The following ATG7 variants were observed in gnomAD, a reference collection of about 807,000 sequenced individuals.
ATG7 encodes autophagy related 7.
In ATG7, 70 loss-of-function variants were observed where a neutral mutation model predicts 82.4. That is an observed-to-expected ratio of 0.85 (90% CI 0.70 to 1.04). The LOEUF (loss-of-function observed/expected upper bound fraction) is 1.04. Among genes scored for constraint, ATG7 ranks in the 50% least tolerant of loss-of-function variants. The pLI is 0.00. For synonymous variants in ATG7, 287 were observed against 313.0 expected, an observed-to-expected ratio of 0.92 and a Z score of 0.88; for missense variants, 792 against 864.3, an observed-to-expected ratio of 0.92 and a Z score of 1.05.
intron 20 of ATG7, among the ~76,000 whole-genome samples, chr3:11,457,179 G>T (rs1256205899): frequency 6.6e-6 from 1 of 152,176 alleles, no homozygotes; most frequent in Non-Finnish European, 1.5e-5. Flanking sequence ...AAGATGCCAG[G>T]TTTATAAAAT....
intron 20 of ATG7, among the ~76,000 whole-genome samples, chr3:11,428,852 CAG>C (rs1189257607): frequency 2.0e-5 from 3 of 152,176 alleles, no homozygotes; most frequent in African/African-American, 7.2e-5. Context: ...CTCTTTAAAA[CAG>C]AGCAGTTGCT....
intron 20 of ATG7, among the ~76,000 whole-genome samples, chr3:11,462,474 G>T (rs575592182): frequency 3.0e-4 from 45 of 152,250 alleles, no homozygotes; most frequent in African/African-American, 1.1e-3. Flanking sequence ...CATGATGGGG[G>T]TTTCCTTGGA....
chr3:11,395,970 G>GCT lies in ATG7; in HGVS notation c.1956+15918_1956+15919insCT, dbSNP rs1375267350. Among the ~76,000 whole-genome samples the GCT allele has an allele frequency of 2.6e-5, 3 of 115,362 alleles. 1 individual carries two copies. The highest frequency in any genetic ancestry group is 5.3e-5 in the Non-Finnish European group (3 of 56,130). The allele number at this position is 115,362 out of a possible 152,430, so 75.7% of individuals were successfully genotyped here. A position where few individuals can be genotyped will look rare whatever the true frequency, so the allele number is the denominator to read the frequency against. The stretch of plus-strand genomic sequence containing the variant: ...AAAAAAAAAAAAAAAAAAAAAGGTA[G>GCT]GGGGGGAAGAGTAAAAGTGAAGGTA... On this transcript the variant is annotated intron_variant, in intron 19 of 20. Transcript: ENST00000693202.
intron 19 of ATG7, among the ~76,000 whole-genome samples, chr3:11,396,738 C>T (rs1264453783): frequency 1.1e-4 from 16 of 148,808 alleles, no homozygotes; most frequent in African/African-American, 2.7e-4. Flanking sequence ...GCCGAGATGG[C>T]GCCACCGCAC....
intron 16 of ATG7, 79 bp from the exon 17 acceptor site, chr3:11,362,734 C>A: frequency 8.5e-7 from 1 of 1,172,840 alleles, no homozygotes; most frequent in Non-Finnish European, 1.2e-6. Flanking sequence ...AGCTTTGTCA[C>A]AGAGGATTTC....
At chr3:11,392,547 G>A (rs1372292022) in intron 19 of ATG7, among the ~76,000 whole-genome samples, 1 of 151,900 alleles carries the variant, frequency 6.6e-6, no homozygotes, top group Non-Finnish European at 1.5e-5. Flanking sequence ...CAGAACGATG[G>A]TATTTTTGGC....
intron 19 of ATG7, among the ~76,000 whole-genome samples, chr3:11,381,800 G>A (rs2077922011): frequency 6.6e-6 from 1 of 152,132 alleles, no homozygotes; most frequent in Admixed American, 6.5e-5. Context: ...CTTTTGTCCT[G>A]GAAAGGTTGC....
chr3:11,308,007 A>C (rs1004364616), intron 6 of ATG7, among the ~76,000 whole-genome samples: 1 of 152,184 alleles, frequency 6.6e-6, no homozygotes, highest in Non-Finnish European at 1.5e-5. Flanking sequence ...TCATCTTGGA[A>C]AAAAGCAGGC....
intron 1 of ATG7, among the ~76,000 whole-genome samples, chr3:11,279,435 C>G (rs1393475975): frequency 6.6e-6 from 1 of 152,224 alleles, no homozygotes. Flanking sequence ...CCTGTAATCC[C>G]AGCACTTTGG....
At chr3:11,438,049 T>C (rs1223704452) in intron 20 of ATG7, among the ~76,000 whole-genome samples, 1 of 152,226 alleles carries the variant, frequency 6.6e-6, no homozygotes, top group East Asian at 1.9e-4. Context: ...ACATACCAAG[T>C]GATATCCACT....
At chr3:11,465,688 C>G (rs188478868) in intron 20 of ATG7, among the ~76,000 whole-genome samples, 77 of 151,900 alleles carry the variant, frequency 5.1e-4, no homozygotes, top group Non-Finnish European at 9.9e-4. Context: ...TTGCTTGAAC[C>G]CAGGAGGTCG....
In ATG7 at chr3:11,555,810, G is replaced by T. The variant is rs1005827957; in HGVS notation, c.*967G>T. On this transcript the variant is annotated 3_prime_UTR_variant, in exon 21 of 21. Coordinates refer to ENST00000693202, the MANE Select transcript of ATG7 (RefSeq NM_001349232.2). Reference sequence around the variant, plus strand: ...ACCCTGCCCCCGTGTAGAGGGCATCGTCTTTCCTGCTATTTTATTCTTTCA... The same window carrying T: ...ACCCTGCCCCCGTGTAGAGGGCATCTTCTTTCCTGCTATTTTATTCTTTCA... 2 of 152,344 alleles carry T rather than the reference G, an allele frequency of 1.3e-5. No homozygotes were observed. Among genetic ancestry groups the T allele is most frequent in the Non-Finnish European group, 2.9e-5 (2 of 68,096 alleles). The allele number at this position is 152,344 out of a possible 1,614,324, so 9.4% of individuals were successfully genotyped here.
chr3:11,391,469 C>T (rs2078795753), intron 19 of ATG7, among the ~76,000 whole-genome samples: 1 of 152,152 alleles, frequency 6.6e-6, no homozygotes, highest in African/African-American at 2.4e-5. Context: ...GGAGAGTTTT[C>T]TTGTCTGTGT....
chr3:11,527,095 A>G (rs1026691436), intron 20 of ATG7, among the ~76,000 whole-genome samples: 2 of 147,106 alleles, frequency 1.4e-5, no homozygotes, highest in African/African-American at 2.5e-5. Context: ...ATATATATAC[A>G]TACATATACA....
chr3:11,527,075 A>G (rs59403939), intron 20 of ATG7, among the ~76,000 whole-genome samples: 1,377 of 107,940 alleles, frequency 0.013, 16 homozygotes, highest in African/African-American at 0.051. Context: ...GTGTGTGTAT[A>G]TATATATATA....
intron 20 of ATG7, among the ~76,000 whole-genome samples, chr3:11,493,751 A>C (rs1209792968): frequency 6.6e-6 from 1 of 152,230 alleles, no homozygotes; most frequent in African/African-American, 2.4e-5. Flanking sequence ...TAGGGGAAAC[A>C]TGACTAAGTA....
chr3:11,284,774 G>T (rs1943668254), intron 3 of ATG7, among the ~76,000 whole-genome samples: 1 of 151,330 alleles, frequency 6.6e-6, no homozygotes. Context: ...GAGTGGTCTT[G>T]TCTGGGCTCA....
intron 20 of ATG7, among the ~76,000 whole-genome samples, chr3:11,528,825 CAA>C (rs11377789): frequency 0.3 from 26,673 of 87,772 alleles, 2,062 homozygotes; most frequent in African/African-American, 0.38. Context: ...GACTCCATCT[CAA>C]AAAAAAAAAA....
At chr3:11,316,516 A>C (rs1415125276) in intron 9 of ATG7, among the ~76,000 whole-genome samples, 1 of 152,200 alleles carries the variant, frequency 6.6e-6, no homozygotes, top group African/African-American at 2.4e-5. Context: ...GTGTGGCCAT[A>C]TATGATCTAT....
Sources: gnomAD v4.1 joint callset for allele counts (sites outside exome capture counted in the v4.1 genomes callset) on GRCh38, gnomAD v4.1.1 for gene constraint, MANE v1.5 for transcripts, NCBI Gene and HGNC (gene_info 2026-07-23, HGNC 2026-07-21) for gene names.